Variants in MELK observed in about 807,000 individuals in gnomAD.
MELK encodes the protein pEg3 kinase.
A neutral mutation model predicts 85.0 loss-of-function variants in MELK; 81 were observed. The observed-to-expected ratio is 0.95, with a 90% CI of 0.80 to 1.15. The LOEUF is 1.15. Ranked by LOEUF, MELK falls within the 50% of genes most tolerant of loss-of-function variation. The probability of loss-of-function intolerance (pLI) is 0.00; values close to 1 mark genes in which losing one functional copy is unlikely to be tolerated. For missense variants in MELK, 754 were observed against 777.5 expected (o/e 0.97, Z 0.36); for synonymous variants, 252 against 265.0 (o/e 0.95, Z 0.48).
intron 14 of MELK, among the ~76,000 whole-genome samples, chr9:36,665,901 G>T (rs12000351): frequency 0.035 from 5,306 of 152,260 alleles, 296 homozygotes; most frequent in African/African-American, 0.12. Context: ...CTGAGACTCA[G>T]AAGGAGTGAA....
At chr9:36,639,374 TA>T (rs1032610421) in intron 10 of MELK, among the ~76,000 whole-genome samples, 3 of 152,084 alleles carry the variant, frequency 2.0e-5, no homozygotes, top group South Asian at 2.1e-4. Flanking sequence ...AGTGAACTAT[TA>T]AAAAAAATTC....
chr9:36,662,343 AAG>A (rs1188602835), intron 13 of MELK, among the ~76,000 whole-genome samples: 45 of 151,700 alleles, frequency 3.0e-4, no homozygotes, highest in African/African-American at 1.0e-3. Context: ...TCCTGGGTTC[AAG>A]TGATTCTCCT....
rs922377461 is a variant in MELK, at chr9:36,651,959, G to A, written c.1053+82G>A. ...ATACCACTGGGAAGGTAAACTTTCC[G>A]GTGTCAAGGAGTCAGAGGCAAGATG... On this transcript the variant is annotated intron_variant, in intron 12 of 17. Coordinates refer to ENST00000298048, the MANE Select transcript of MELK (RefSeq NM_014791.4). The A allele has an allele frequency of 2.2e-5, 29 of 1,305,214 alleles. No homozygotes were observed. In the African/African-American group the frequency reaches 2.3e-4, roughly 10 times the overall value. The allele number at this position is 1,305,214 out of a possible 1,614,324, so 80.9% of individuals were successfully genotyped here.
chr9:36,636,786 G>GTT (rs1829230961), intron 10 of MELK, among the ~76,000 whole-genome samples: 1 of 50,644 alleles, frequency 2.0e-5, no homozygotes, highest in African/African-American at 4.9e-5. Context: ...CTTTCTTTCT[G>GTT]TCTGTCTTTC....
intron 1 of MELK, among the ~76,000 whole-genome samples, chr9:36,573,449 C>T (rs1194308297): frequency 6.6e-6 from 1 of 152,140 alleles, no homozygotes; most frequent in Admixed American, 6.6e-5. Context: ...CCAAATCCAT[C>T]CTCTCCTATC....
At chr9:36,612,067 G>A (rs574318522) in intron 8 of MELK, among the ~76,000 whole-genome samples, 1 of 152,000 alleles carries the variant, frequency 6.6e-6, no homozygotes, top group South Asian at 2.1e-4. Context: ...CACTGTGCCT[G>A]GCTGCTATTA....
At chr9:36,621,766 C>G (rs1827471808) in intron 8 of MELK, among the ~76,000 whole-genome samples, 1 of 152,238 alleles carries the variant, frequency 6.6e-6, no homozygotes, top group South Asian at 2.1e-4. Flanking sequence ...GTTGTTACTG[C>G]AAGTTCACAT....
chr9:36,589,721 T>C (rs776479459), intron 4 of MELK, 69 bp downstream of exon 4: 18 of 1,150,714 alleles, frequency 1.6e-5, no homozygotes, highest in Non-Finnish European at 2.3e-5. Context: ...GAAAAGTACA[T>C]TTCACCTGAA....
rs1218298834 is a variant in MELK at position 36,669,383 on chromosome 9, A to C, written c.1482A>C (p.Thr494=). 6.2e-7 allele frequency: 1 copy of C among 1,605,420 alleles called. No individual in the cohort carries two copies. The highest frequency in any genetic ancestry group is 2.3e-5 in the East Asian group (1 of 44,398). ...VNSTGTDKLM[T]GVISPERRCR... ...CAACAGGAACAGACAAGTTAATGAC[A>C]GGTGTCATTAGCCCTGAGAGGCGGT... The change falls in exon 15 of 18, where the codon ACA becomes ACC. Residue 494 remains threonine, a synonymous_variant. Coordinates refer to ENST00000298048, the MANE Select transcript of MELK (RefSeq NM_014791.4).
At chr9:36,654,477 T>G (rs1831037810) in intron 12 of MELK, among the ~76,000 whole-genome samples, 1 of 151,256 alleles carries the variant, frequency 6.6e-6, no homozygotes, top group South Asian at 2.1e-4. Flanking sequence ...TGCCTCATTG[T>G]CCCGAGTAGC....
At chr9:36,627,826 C>T (rs1426130031) in intron 8 of MELK, among the ~76,000 whole-genome samples, 1 of 150,004 alleles carries the variant, frequency 6.7e-6, no homozygotes, top group Non-Finnish European at 1.5e-5. Context: ...TGTGCCCAGC[C>T]TGAGAGCCCA....
chr9:36,586,222 A>G (rs1368413152), intron 3 of MELK, among the ~76,000 whole-genome samples: 1 of 152,060 alleles, frequency 6.6e-6, no homozygotes, highest in African/African-American at 2.4e-5. Flanking sequence ...ACACACCTGT[A>G]GTCCCAGCTA....
At chr9:36,589,461 A>T in intron 3 of MELK, 75 bp from the exon 4 acceptor site, 2 of 1,225,104 alleles carry the variant, frequency 1.6e-6, no homozygotes, top group Non-Finnish European at 2.4e-6. Flanking sequence ...ACTTAGTATT[A>T]AAGCTGTTAG....
chr9:36,626,475 C>T (rs1258479954), intron 8 of MELK, among the ~76,000 whole-genome samples: 1 of 152,156 alleles, frequency 6.6e-6, no homozygotes, highest in Non-Finnish European at 1.5e-5. Flanking sequence ...AAGTTAGTCA[C>T]TTACGTTTTT....
chr9:36,631,766 T>TC (rs1175646947), intron 9 of MELK, among the ~76,000 whole-genome samples: 2 of 151,972 alleles, frequency 1.3e-5, no homozygotes, highest in African/African-American at 4.8e-5. Context: ...TCTTTAGTTT[T>TC]CTTTTTTTTT....
rs554921244 is a variant in MELK, at chr9:36,643,672, C to T, written c.921+589C>T. ...ACAACTGGCCGGGCACGGTGGCTCA[C>T]GCCTGTAATCCCAGCACTTTCGGAG... On this transcript the variant is annotated intron_variant, in intron 11 of 17. Coordinates refer to ENST00000298048, the MANE Select transcript of MELK (RefSeq NM_014791.4). Among the ~76,000 whole-genome samples the T allele has an allele frequency of 4.6e-5, 7 of 152,164 alleles. No individual in the cohort carries two copies. In the South Asian group the frequency reaches 6.2e-4, roughly 14 times the overall value.
intron 10 of MELK, among the ~76,000 whole-genome samples, chr9:36,639,056 T>C (rs1306250942): frequency 2.6e-5 from 4 of 152,122 alleles, no homozygotes; most frequent in Non-Finnish European, 2.9e-5. Flanking sequence ...GATGGAGAGG[T>C]GGCATTGTGT....
intron 13 of MELK, among the ~76,000 whole-genome samples, chr9:36,664,816 G>GGGTTATCAGA (rs1832177115): frequency 6.6e-6 from 1 of 152,162 alleles, no homozygotes; most frequent in Non-Finnish European, 1.5e-5. Flanking sequence ...GCTGCCCTTA[G>GGGTTATCAGA]GGCAGCAGAG....
chr9:36,676,882 T>C (rs757829268), intron 17 of MELK, among the ~76,000 whole-genome samples: 3 of 152,240 alleles, frequency 2.0e-5, no homozygotes, highest in Non-Finnish European at 4.4e-5. Context: ...ATGAATGGCA[T>C]GTATAGCTAT....
Sources: allele counts gnomAD v4.1 joint callset (sites outside exome capture counted in the v4.1 genomes callset), GRCh38; gene constraint gnomAD v4.1.1; transcripts MANE v1.5; gene names NCBI Gene and HGNC (gene_info 2026-07-23, HGNC 2026-07-21).